ERI1: variants seen among roughly 807,000 people sequenced by gnomAD.
ERI1 encodes exoribonuclease 1, also known as 3'-5' exoribonuclease 1.
A neutral mutation model predicts 39.7 loss-of-function variants in ERI1; 39 were observed. The ratio of observed to expected loss-of-function variants is 0.98; its 90% confidence interval spans 0.76 to 1.28. The LOEUF (loss-of-function observed/expected upper bound fraction) is 1.28. Ranked by LOEUF, ERI1 falls within the 50% of genes most tolerant of loss-of-function variation. The pLI is 0.00. For missense variants in ERI1, 581 were observed against 416.9 expected (o/e 1.39, Z -3.43); for synonymous variants, 204 against 149.6 (o/e 1.36, Z -2.65).
At chr8:9,042,163 C>T (rs1396703474) in intron 3 of ERI1, among the ~76,000 whole-genome samples, 1 of 152,142 alleles carries the variant, frequency 6.6e-6, no homozygotes, top group Non-Finnish European at 1.5e-5. Context: ...TTCCTCAAGG[C>T]CAAGAGAAAT....
intron 3 of ERI1, among the ~76,000 whole-genome samples, chr8:9,070,334 C>G (rs978640533): frequency 6.6e-6 from 1 of 151,864 alleles, no homozygotes; most frequent in Non-Finnish European, 1.5e-5. Flanking sequence ...ATGGAGTAGT[C>G]TAAAGAAGCA....
downstream of ERI1, among the ~76,000 whole-genome samples, chr8:9,035,917 G>A (rs1239117573): frequency 6.6e-6 from 1 of 152,170 alleles, no homozygotes. Context: ...GCAAGAAGTT[G>A]ATTTCAGTCC....
At chr8:9,074,392 T>A (rs1443448549) in intron 3 of ERI1, among the ~76,000 whole-genome samples, 2 of 152,110 alleles carry the variant, frequency 1.3e-5, no homozygotes, top group African/African-American at 2.4e-5. Flanking sequence ...CCCAAAATGC[T>A]GGGATTACAG....
intron 3 of ERI1, among the ~76,000 whole-genome samples, chr8:9,078,957 A>T (rs1799289776): frequency 6.6e-6 from 1 of 152,126 alleles, no homozygotes. Flanking sequence ...TTTTATCAGG[A>T]TAAAAAAAAT....
At chr8:9,020,100 G>A (rs1817722705) in intron 5 of ERI1, among the ~76,000 whole-genome samples, 2 of 152,134 alleles carry the variant, frequency 1.3e-5, no homozygotes, top group Non-Finnish European at 2.9e-5. Flanking sequence ...CCAGAACCAT[G>A]AAAACAATCA....
intron 6 of ERI1, among the ~76,000 whole-genome samples, chr8:9,021,425 C>T (rs1170254946): frequency 1.3e-5 from 2 of 152,138 alleles, no homozygotes; most frequent in African/African-American, 2.4e-5. Flanking sequence ...TCATTTTTCT[C>T]CCTTTACAGT....
At chr8:9,045,096 C>T (rs537361757) in intron 3 of ERI1, among the ~76,000 whole-genome samples, 64 of 151,926 alleles carry the variant, frequency 4.2e-4, no homozygotes, top group African/African-American at 1.4e-3. Context: ...ATTAGCTGGG[C>T]GTAGTGGCGG....
chr8:9,037,694 G>C (rs755404109), downstream of ERI1, among the ~76,000 whole-genome samples: 28 of 152,176 alleles, frequency 1.8e-4, no homozygotes, highest in Middle Eastern at 3.4e-3. Context: ...TGATGAATGA[G>C]TTACTGTTTT....
At chr8:9,020,109 C>T (rs1018400997) in intron 5 of ERI1, among the ~76,000 whole-genome samples, 1 of 152,086 alleles carries the variant, frequency 6.6e-6, no homozygotes, top group Non-Finnish European at 1.5e-5. Context: ...TGAAAACAAT[C>T]AAGATGAGCC....
Position 9,093,842 on chromosome 8 carries a change from G to A in ERI1, n.300-22506G>A, listed in dbSNP as rs113745039. 2.0e-4 allele frequency among the ~76,000 whole-genome samples: 31 copies of A among 152,266 alleles called. No homozygotes were observed. In the South Asian group the frequency reaches 6.0e-3, roughly 30 times the overall value. ...TCCACTCGCCTCGGCCTCCCAAAGT[G>A]CTGGGATTACAAGCGTGAGCCATCA... On this transcript the variant is annotated intron_variant and non_coding_transcript_variant, in intron 3 of 3. Coordinates refer to the ERI1 transcript ENST00000518663.
chr8:9,097,738 GAAGA>G (rs1255320908), intron 3 of ERI1, among the ~76,000 whole-genome samples: 2 of 147,524 alleles, frequency 1.4e-5, no homozygotes, highest in South Asian at 2.1e-4. Context: ...AGAAAGAAAA[GAAGA>G]AAGAAGAAAA....
At chr8:9,044,607 G>C (rs1188145822) in intron 3 of ERI1, among the ~76,000 whole-genome samples, 1 of 152,016 alleles carries the variant, frequency 6.6e-6, no homozygotes, top group African/African-American at 2.4e-5. Context: ...TGGACTAGGG[G>C]GTCAAAGAGG....
At chr8:9,016,666 C>A (rs552054144) in intron 4 of ERI1, among the ~76,000 whole-genome samples, 79 of 151,966 alleles carry the variant, frequency 5.2e-4, no homozygotes, top group Non-Finnish European at 9.1e-4. Context: ...CAAATTGTTT[C>A]CATACTGAAC....
rs1436622868 is a variant in ERI1, at chr8:9,032,511, T to C, written c.*2477T>C. 3 of 152,246 alleles carry C rather than the reference T, an allele frequency of 2.0e-5. No individual in the cohort carries two copies. Among genetic ancestry groups the C allele is most frequent in the Non-Finnish European group, 2.9e-5 (2 of 68,048 alleles). The allele number at this position is 152,246 out of a possible 1,614,324, so 9.4% of individuals were successfully genotyped here. On this transcript the variant is annotated 3_prime_UTR_variant, in exon 7 of 7. Transcript: ENST00000250263. ...AAAAAATGTTTTTGTGATGTGTCTT[T>C]GTTGCCTTGAGATAGATCCATTTAT...
At chr8:9,075,786 A>G (rs1799191842) in intron 3 of ERI1, among the ~76,000 whole-genome samples, 1 of 152,200 alleles carries the variant, frequency 6.6e-6, no homozygotes, top group Admixed American at 6.5e-5. Flanking sequence ...AAAGGGAAAA[A>G]TAATCTTAAA....
chr8:9,020,267 A>G (rs1817736637), intron 5 of ERI1, 83 bp from the exon 6 acceptor site: 5 of 646,536 alleles, frequency 7.7e-6, no homozygotes, highest in Non-Finnish European at 1.2e-5. Context: ...GTTGACATAT[A>G]TAAATAAATG....
At chr8:9,094,424 C>G (rs968828845) in intron 3 of ERI1, among the ~76,000 whole-genome samples, 1 of 152,190 alleles carries the variant, frequency 6.6e-6, no homozygotes. Context: ...AGGGCTGAGT[C>G]TCAAACTTTT....
downstream of ERI1, among the ~76,000 whole-genome samples, chr8:9,035,118 G>A (rs941941580): frequency 2.6e-5 from 4 of 152,200 alleles, no homozygotes; most frequent in African/African-American, 9.6e-5. Context: ...GAAAGAAGCT[G>A]TCTCCATAAA....
chr8:9,024,742 G>T (rs1818292701), intron 6 of ERI1, among the ~76,000 whole-genome samples: 1 of 152,044 alleles, frequency 6.6e-6, no homozygotes, highest in Non-Finnish European at 1.5e-5. Context: ...GTTTTTATAG[G>T]CCTATGTATA....
Sources: gnomAD v4.1 joint callset for allele counts (sites outside exome capture counted in the v4.1 genomes callset) on GRCh38, gnomAD v4.1.1 for gene constraint, MANE v1.5 for transcripts, NCBI Gene and HGNC (gene_info 2026-07-23, HGNC 2026-07-21) for gene names.